The following SLC5A4 variants were observed in gnomAD, a reference collection of about 807,000 sequenced individuals.
SLC5A4 encodes the protein probable glucose sensor protein SLC5A4.
SLC5A4 carries 55 observed loss-of-function variants against 70.3 expected under a neutral mutation model. The observed-to-expected ratio is 0.78, with a 90% CI of 0.63 to 0.98. The LOEUF (loss-of-function observed/expected upper bound fraction) is 0.98, where lower values mean the gene tolerates loss of function less well. Ranked by LOEUF, SLC5A4 falls within the 50% of genes least tolerant of loss-of-function variation. SLC5A4 has a pLI of 0.00. For missense variants in SLC5A4, 735 were observed against 839.2 expected (o/e 0.88, Z 1.53); for synonymous variants, 268 against 305.7 (o/e 0.88, Z 1.29).
At chr22:32,258,858 T>A (rs5998349), upstream of SLC5A4, among the ~76,000 whole-genome samples, 11,850 of 152,228 alleles carry the variant, frequency 0.078, 730 homozygotes, top group African/African-American at 0.18. Flanking sequence ...AAAGACTATG[T>A]GGTATATGCA....
At chr22:32,326,894 G>A in the SLC5A4 span, among the ~76,000 whole-genome samples, 1 of 152,158 alleles carries the variant, frequency 6.6e-6, no homozygotes, top group Non-Finnish European at 1.5e-5. Flanking sequence ...ATCTGGAAGG[G>A]GCCAAAAGCC....
At chr22:32,340,770 G>A in the SLC5A4 span, among the ~76,000 whole-genome samples, 5 of 152,168 alleles carry the variant, frequency 3.3e-5, no homozygotes, top group African/African-American at 7.2e-5. Context: ...AGTGGGGTGG[G>A]GTGGGGTCAG....
chr22:32,314,832 A>T, the SLC5A4 span, among the ~76,000 whole-genome samples: 1 of 152,150 alleles, frequency 6.6e-6, no homozygotes, highest in African/African-American at 2.4e-5. Flanking sequence ...AGAGAGAGTG[A>T]GCGAGCTTGT....
the SLC5A4 span, among the ~76,000 whole-genome samples, chr22:32,335,133 G>A: frequency 6.6e-6 from 1 of 152,176 alleles, no homozygotes; most frequent in Non-Finnish European, 1.5e-5. Context: ...GCCAGACACA[G>A]ATGGAAAACC....
chr22:32,329,716 T>TGTG, the SLC5A4 span, among the ~76,000 whole-genome samples: 2 of 5,052 alleles, frequency 4.0e-4, no homozygotes, highest in Non-Finnish European at 5.5e-4. Context: ...TGGTGTGTGT[T>TGTG]GGGGACTCTG....
chr22:32,312,202 G>A, the SLC5A4 span, among the ~76,000 whole-genome samples: 2 of 152,094 alleles, frequency 1.3e-5, no homozygotes, highest in African/African-American at 4.8e-5. Flanking sequence ...GAGACACAGA[G>A]GGGCTGTACC....
intron 8 of SLC5A4, 79 bp from the exon 9 acceptor site, chr22:32,233,113 T>C: frequency 6.8e-7 from 1 of 1,478,934 alleles, no homozygotes; most frequent in South Asian, 1.3e-5. Context: ...TTCCAGAGTT[T>C]AATGTTGCAA....
chr22:32,270,752 C>G, the SLC5A4 span: 2 of 629,004 alleles, frequency 3.2e-6, no homozygotes, highest in Non-Finnish European at 2.9e-6. Context: ...ATGCAGTGCA[C>G]TGTAGGCAAC....
At chr22:32,334,697 C>G in the SLC5A4 span, among the ~76,000 whole-genome samples, 2 of 152,190 alleles carry the variant, frequency 1.3e-5, no homozygotes, top group Non-Finnish European at 2.9e-5. Flanking sequence ...TGGATGCTGT[C>G]AACGGTGAGA....
At chr22:32,354,282 C>T in the SLC5A4 span, among the ~76,000 whole-genome samples, 1 of 150,342 alleles carries the variant, frequency 6.7e-6, no homozygotes, top group South Asian at 2.1e-4. Flanking sequence ...AGAAAGCGCC[C>T]TCAACACCCC....
At chr22:32,282,169 A>G in the SLC5A4 span, among the ~76,000 whole-genome samples, 10 of 151,990 alleles carry the variant, frequency 6.6e-5, no homozygotes, top group Admixed American at 1.3e-4. Context: ...CCCCCTCTGG[A>G]TAGCAAAGCT....
At chr22:32,295,524 T>G in the SLC5A4 span, among the ~76,000 whole-genome samples, 28 of 108,620 alleles carry the variant, frequency 2.6e-4, 7 homozygotes, top group Middle Eastern at 7.8e-3. Flanking sequence ...TCTTGTAAAT[T>G]TGTTTGAGTT....
chr22:32,271,625 G>A, the SLC5A4 span: 2 of 645,594 alleles, frequency 3.1e-6, no homozygotes, highest in Non-Finnish European at 5.7e-6. Context: ...CTACTCAGGA[G>A]TGTTCATCTG....
chr22:32,338,308 G>A, the SLC5A4 span, among the ~76,000 whole-genome samples: 1 of 151,930 alleles, frequency 6.6e-6, no homozygotes, highest in South Asian at 2.1e-4. Context: ...CTCACGAGAG[G>A]AAATACAGTT....
At chr22:32,333,846 TAC>T in the SLC5A4 span, among the ~76,000 whole-genome samples, 17 of 142,780 alleles carry the variant, frequency 1.2e-4, no homozygotes, top group African/African-American at 3.8e-4. Context: ...CCTCACAATA[TAC>T]ACACACACAC....
chr22:32,326,501 C>T, the SLC5A4 span, among the ~76,000 whole-genome samples: 2 of 151,978 alleles, frequency 1.3e-5, no homozygotes, highest in African/African-American at 4.8e-5. Context: ...GTGATCCACC[C>T]GCCTCGGCCT....
At chr22:32,273,126 T>C in the SLC5A4 span, 5 of 457,356 alleles carry the variant, frequency 1.1e-5, no homozygotes, top group South Asian at 6.8e-5. Flanking sequence ...TGGATGTCGC[T>C]GCCACCACCA....
At chr22:32,313,976 C>A in the SLC5A4 span, among the ~76,000 whole-genome samples, 2 of 152,222 alleles carry the variant, frequency 1.3e-5, no homozygotes, top group African/African-American at 4.8e-5. Flanking sequence ...TAAATTGCAA[C>A]TGGTGACAGT....
chr22:32,261,132 C>T, the SLC5A4 span, among the ~76,000 whole-genome samples: 1 of 152,142 alleles, frequency 6.6e-6, no homozygotes, highest in Admixed American at 6.5e-5. Flanking sequence ...CTTCTCTTCA[C>T]CCCTTTAGCG....
Sources: allele counts gnomAD v4.1 joint callset (sites outside exome capture counted in the v4.1 genomes callset), GRCh38; gene constraint gnomAD v4.1.1; transcripts MANE v1.5; gene names NCBI Gene and HGNC (gene_info 2026-07-23, HGNC 2026-07-21).